DOK6: variants seen among roughly 807,000 people sequenced by gnomAD.
DOK6 encodes docking protein 6.
A neutral mutation model predicts 44.0 loss-of-function variants in DOK6; 22 were observed. That is an observed-to-expected ratio of 0.50 (90% CI 0.36 to 0.71). The LOEUF (loss-of-function observed/expected upper bound fraction) is 0.71, where lower values mean the gene tolerates loss of function less well. DOK6 is among the 30% of genes least tolerant of loss of function. The pLI, the probability that DOK6 is intolerant of heterozygous loss-of-function variation, is 0.00. For synonymous variants in DOK6, 166 were observed against 145.5 expected (o/e 1.14, Z -1.01); for missense variants, 340 against 416.4 (o/e 0.82, Z 1.60).
intron 2 of DOK6, among the ~76,000 whole-genome samples, chr18:69,586,240 C>A (rs1247604505): frequency 6.6e-6 from 1 of 152,054 alleles, no homozygotes; most frequent in Non-Finnish European, 1.5e-5. Flanking sequence ...TTGTGAAAAT[C>A]CCAAGTTTAT....
intron 2 of DOK6, among the ~76,000 whole-genome samples, chr18:69,575,196 C>T (rs1983210435): frequency 1.3e-5 from 2 of 152,024 alleles, no homozygotes; most frequent in South Asian, 2.1e-4. Context: ...CTTTTCAAGA[C>T]AGGGTGGTGG....
intron 3 of DOK6, among the ~76,000 whole-genome samples, chr18:69,637,277 T>C (rs1984830424): frequency 6.6e-6 from 1 of 152,230 alleles, no homozygotes; most frequent in Non-Finnish European, 1.5e-5. Context: ...GGAAAATAAA[T>C]TTTCACGGTC....
intron 1 of DOK6, among the ~76,000 whole-genome samples, chr18:69,525,919 A>G (rs1044750617): frequency 6.6e-6 from 1 of 152,088 alleles, no homozygotes; most frequent in Non-Finnish European, 1.5e-5. Context: ...CTGTATTTGT[A>G]TGGCTCATGA....
At position 69,843,917 on chromosome 18, in the gene DOK6, T is replaced by C. The variant is rs1982291575; in HGVS notation, c.*2534T>C. On this transcript the variant is annotated 3_prime_UTR_variant, in exon 8 of 8. Coordinates refer to ENST00000382713, the MANE Select transcript of DOK6 (RefSeq NM_152721.6). ...ACAATTGTAGCTGAGTCAAGACTGC[T>C]AAATGAACAGATAGGAGAACTTATA... The C allele has an allele frequency of 2.6e-5, 4 of 152,180 alleles. No homozygotes were observed. The highest frequency in any genetic ancestry group is 2.0e-4 in the Admixed American group (3 of 15,276). The allele number at this position is 152,180 out of a possible 1,614,324, so 9.4% of individuals were successfully genotyped here.
At chr18:69,822,756 A>T (rs1009772084) in intron 7 of DOK6, among the ~76,000 whole-genome samples, 1 of 152,214 alleles carries the variant, frequency 6.6e-6, no homozygotes, top group African/African-American at 2.4e-5. Context: ...CAGTCTATCA[A>T]AAAACGTTCA....
intron 7 of DOK6, among the ~76,000 whole-genome samples, chr18:69,771,305 C>T (rs1023776130): frequency 6.6e-6 from 1 of 151,890 alleles, no homozygotes; most frequent in African/African-American, 2.4e-5. Context: ...TACATATGCA[C>T]TTACTTGCTA....
rs1452974701 is a variant in DOK6 at position 69,845,618 on chromosome 18, T to C, written c.*4235T>C. 1 of 152,142 alleles carries C rather than the reference T, an allele frequency of 6.6e-6. No individual in the cohort carries two copies. The highest frequency in any genetic ancestry group is 1.5e-5 in the Non-Finnish European group (1 of 68,030). 9.4% of individuals were successfully genotyped at this position (152,142 alleles called of 1,614,324 possible). ...TGGCAACTAGTCATGAACGCAACAATTTAGGTTAAATGATAAAGAATACAA... is the reference window on the plus strand; with the variant it reads ...TGGCAACTAGTCATGAACGCAACAACTTAGGTTAAATGATAAAGAATACAA... On this transcript the variant is annotated 3_prime_UTR_variant, in exon 8 of 8. Transcript: ENST00000382713.
intron 1 of DOK6, among the ~76,000 whole-genome samples, chr18:69,518,771 G>T (rs1435131553): frequency 2.0e-5 from 3 of 152,240 alleles, no homozygotes. Flanking sequence ...ATCATGCTAT[G>T]TAAAAGGAAC....
chr18:69,498,036 C>T (rs910854958), intron 1 of DOK6, among the ~76,000 whole-genome samples: 2 of 151,870 alleles, frequency 1.3e-5, no homozygotes, highest in African/African-American at 4.8e-5. Context: ...AAGCTTATCT[C>T]TCTCTCTCCA....
intron 7 of DOK6, among the ~76,000 whole-genome samples, chr18:69,761,831 A>G (rs991328992): frequency 3.3e-5 from 5 of 152,120 alleles, no homozygotes; most frequent in African/African-American, 1.2e-4. Context: ...TGTGGACCAA[A>G]TATGTTAGCA....
intron 7 of DOK6, among the ~76,000 whole-genome samples, chr18:69,795,385 A>C (rs999535625): frequency 6.6e-6 from 1 of 152,200 alleles, no homozygotes; most frequent in Admixed American, 6.6e-5. Context: ...GAAATCTTTC[A>C]GTCTTTAAAA....
intron 1 of DOK6, among the ~76,000 whole-genome samples, chr18:69,414,285 A>G (rs1170169437): frequency 6.6e-6 from 1 of 152,084 alleles, no homozygotes; most frequent in Non-Finnish European, 1.5e-5. Flanking sequence ...CTATTCATGA[A>G]TGTTCATGGC....
chr18:69,623,875 A>G (rs1050347738), intron 3 of DOK6, among the ~76,000 whole-genome samples: 2 of 152,172 alleles, frequency 1.3e-5, no homozygotes, highest in African/African-American at 2.4e-5. Context: ...CAGAACCTCT[A>G]CTTCTAGCTG....
intron 5 of DOK6, among the ~76,000 whole-genome samples, chr18:69,727,298 A>G (rs1380119702): frequency 1.3e-5 from 2 of 152,210 alleles, no homozygotes; most frequent in African/African-American, 2.4e-5. Flanking sequence ...GAACACAAAC[A>G]TTCAGACCAT....
chr18:69,719,660 A>G (rs942232090), intron 5 of DOK6, among the ~76,000 whole-genome samples: 1 of 152,220 alleles, frequency 6.6e-6, no homozygotes, highest in African/African-American at 2.4e-5. Context: ...AGAAGGGGTC[A>G]GTTTGGGGAA....
chr18:69,772,191 A>T (rs917921845), intron 7 of DOK6, among the ~76,000 whole-genome samples: 10 of 152,058 alleles, frequency 6.6e-5, no homozygotes, highest in African/African-American at 2.2e-4. Flanking sequence ...TAAATAAAAC[A>T]AATATTGAGG....
chr18:69,483,803 A>T (rs2144533205), intron 1 of DOK6: 1 of 152,196 alleles, frequency 6.6e-6, no homozygotes, highest in African/African-American at 2.4e-5. Context: ...AAATTTAGAA[A>T]CGGAAAGGGT....
At chr18:69,736,647 AAC>A (rs1978617829) in intron 5 of DOK6, among the ~76,000 whole-genome samples, 1 of 152,358 alleles carries the variant, frequency 6.6e-6, no homozygotes, top group South Asian at 2.1e-4. Context: ...TTGGGGGTTC[AAC>A]TGTAACACCT....
intron 3 of DOK6, among the ~76,000 whole-genome samples, chr18:69,628,398 A>G (rs1235046015): frequency 6.6e-6 from 1 of 152,176 alleles, no homozygotes; most frequent in Non-Finnish European, 1.5e-5. Context: ...GCTGAAGCAC[A>G]AGAATCTCTT....
Sources: gnomAD v4.1 joint callset for allele counts (sites outside exome capture counted in the v4.1 genomes callset) on GRCh38, gnomAD v4.1.1 for gene constraint, MANE v1.5 for transcripts, NCBI Gene and HGNC (gene_info 2026-07-23, HGNC 2026-07-21) for gene names.